Variants in RNF2 observed in about 807,000 individuals in gnomAD.
The protein encoded by RNF2 is E3 ubiquitin-protein ligase RING2.
Under a neutral mutation model 37.2 loss-of-function variants are expected in RNF2, and 6 were observed. That is an observed-to-expected ratio of 0.16 (90% CI 0.09 to 0.32). The LOEUF is 0.32. Among genes scored for constraint, RNF2 ranks in the 10% least tolerant of loss-of-function variants. The pLI, the probability that RNF2 is intolerant of heterozygous loss-of-function variation, is 1.00. For synonymous variants in RNF2, 133 were observed against 132.7 expected (o/e 1.00, Z -0.02); for missense variants, 251 against 404.0 (o/e 0.62, Z 3.25).
chr1:185,059,877 A>T (rs1185963530), intron 1 of RNF2, among the ~76,000 whole-genome samples: 1 of 152,176 alleles, frequency 6.6e-6, no homozygotes, highest in Non-Finnish European at 1.5e-5. Flanking sequence ...ATTAGCCTTC[A>T]ACTTTTCTCT....
At chr1:185,077,671 C>G (rs1419180224) in intron 1 of RNF2, among the ~76,000 whole-genome samples, 2 of 132,720 alleles carry the variant, frequency 1.5e-5, no homozygotes, top group East Asian at 2.2e-4. Flanking sequence ...TTGGCTGTAC[C>G]TGACAACTAA....
chr1:185,088,082 A>G (rs980102719), intron 2 of RNF2, among the ~76,000 whole-genome samples: 1 of 152,232 alleles, frequency 6.6e-6, no homozygotes, highest in African/African-American at 2.4e-5. Context: ...TGAGATTCCT[A>G]TACAACAGGC....
At chr1:185,082,345 CTTTTTTTTTTTTT>C (rs3036553) in intron 1 of RNF2, among the ~76,000 whole-genome samples, 2 of 72,000 alleles carry the variant, frequency 2.8e-5, no homozygotes, top group Non-Finnish European at 5.8e-5. Flanking sequence ...CTCTGCAGAA[CTTTTTTTTTTTTT>C]TTTTTTTTTG....
rs941858291 is a variant in RNF2, at chr1:185,102,445, C to A, written c.*2144C>A. On this transcript the variant is annotated 3_prime_UTR_variant, in exon 7 of 7. Coordinates refer to ENST00000367510, the MANE Select transcript of RNF2 (RefSeq NM_007212.4). ...TTTTATGGTAACATATACATAGCCA[C>A]ATTTACAGTTTTAACCATTTTAAGG... 1 of 152,196 alleles carries A rather than the reference C, an allele frequency of 6.6e-6. No individual in the cohort carries two copies. The highest frequency in any genetic ancestry group is 1.5e-5 in the Non-Finnish European group (1 of 68,010). The allele number at this position is 152,196 out of a possible 1,614,324, so 9.4% of individuals were successfully genotyped here.
At chr1:185,067,724 T>A (rs1262355547) in intron 1 of RNF2, among the ~76,000 whole-genome samples, 1 of 150,104 alleles carries the variant, frequency 6.7e-6, no homozygotes, top group Non-Finnish European at 1.5e-5. Flanking sequence ...TTTTTTTTTT[T>A]TTTTGAGACG....
At chr1:185,070,638 C>CTTTT (rs893631238) in intron 1 of RNF2, among the ~76,000 whole-genome samples, 2 of 129,742 alleles carry the variant, frequency 1.5e-5, no homozygotes, top group Non-Finnish European at 3.3e-5. Flanking sequence ...ATTTTCTTTT[C>CTTTT]TTTTTTTTTT....
intron 1 of RNF2, among the ~76,000 whole-genome samples, chr1:185,049,172 A>G (rs937415029): frequency 4.6e-5 from 7 of 152,106 alleles, no homozygotes; most frequent in African/African-American, 1.7e-4. Flanking sequence ...GTTGCAGTGC[A>G]TGCCACTGCA....
At chr1:185,072,207 C>T (rs529065146) in intron 1 of RNF2, among the ~76,000 whole-genome samples, 2 of 152,118 alleles carry the variant, frequency 1.3e-5, no homozygotes, top group East Asian at 3.9e-4. Context: ...AGCAATAAAC[C>T]AAGGTGACTG....
chr1:185,087,822 A>G (rs928713505), intron 2 of RNF2, among the ~76,000 whole-genome samples, 182 bp downstream of exon 2: 8 of 152,220 alleles, frequency 5.3e-5, no homozygotes, highest in Non-Finnish European at 1.2e-4. Flanking sequence ...TACTCTATAC[A>G]AGCTTTTGTG....
intron 2 of RNF2, among the ~76,000 whole-genome samples, chr1:185,088,795 A>G (rs992266595): frequency 1.3e-5 from 2 of 152,208 alleles, no homozygotes; most frequent in African/African-American, 2.4e-5. Context: ...TCCATGTGCT[A>G]ATAAGTACTA....
chr1:185,064,446 ACG>A (rs1283019275), intron 1 of RNF2, among the ~76,000 whole-genome samples: 2 of 152,168 alleles, frequency 1.3e-5, no homozygotes, highest in African/African-American at 4.8e-5. Flanking sequence ...GGTTCGACTT[ACG>A]ATTTTTCAAC....
chr1:185,086,583 A>C (rs1188735701), intron 1 of RNF2, among the ~76,000 whole-genome samples: 1 of 152,228 alleles, frequency 6.6e-6, no homozygotes, highest in Non-Finnish European at 1.5e-5. Context: ...GGGATATGAT[A>C]CCACTTTCCA....
rs549929250 is a variant in RNF2, at chr1:185,085,779, G to C, written c.-2-1773G>C. On this transcript the variant is annotated intron_variant, in intron 1 of 6. Transcript: ENST00000367510. The stretch of plus-strand genomic sequence containing the variant: ...AGCGATTCTCCTACCTCATCCTCCC[G>C]CATAGCTGGGATTACAGACGCGCAC... Among the ~76,000 whole-genome samples the C allele has an allele frequency of 4.6e-5, 7 of 151,770 alleles. No individual in the cohort carries two copies. In the East Asian group the frequency reaches 1.4e-3, roughly 29 times the overall value.
chr1:185,092,462 A>G (rs1651797035), intron 3 of RNF2, among the ~76,000 whole-genome samples: 1 of 152,208 alleles, frequency 6.6e-6, no homozygotes, highest in African/African-American at 2.4e-5. Flanking sequence ...GGCGTGAGCC[A>G]CCGTGCCTAG....
In RNF2 at chr1:185,099,869, T is replaced by G; in HGVS notation, c.816T>G (p.Leu272=). 1.2e-6 allele frequency: 2 copies of G among 1,614,122 alleles called. No homozygotes were observed. The highest frequency in any genetic ancestry group is 1.7e-6 in the Non-Finnish European group (2 of 1,179,998). The stretch of plus-strand genomic sequence containing the variant: ...CTGTGAGGTTAGCTTTAGAAGAACT[T>G]CGAAGCAAAGGTGAATCAAACCAGA... The part of the protein sequence containing the change: ...YLAVRLALEE[L]RSKGESNQMN... The change falls in exon 6 of 7, where the codon CTT becomes CTG. Residue 272 remains leucine, a synonymous_variant. Coordinates refer to ENST00000367510, the MANE Select transcript of RNF2 (RefSeq NM_007212.4).
intron 3 of RNF2, 42 bp from the exon 4 acceptor site, chr1:185,093,019 T>G: frequency 6.3e-7 from 1 of 1,575,452 alleles, no homozygotes; most frequent in South Asian, 1.1e-5. Flanking sequence ...AGCCCAAAGA[T>G]ACTAGCATTG....
rs1394463855 is a variant in RNF2, at chr1:185,067,818, C to G, written c.-2-19734C>G. ...CTCTGCCTCCCGGGTTCAAACGATT[C>G]TCCTACCTCAGCCTCTCGAGTAGCT... On this transcript the variant is annotated intron_variant, in intron 1 of 6. Transcript: ENST00000367510. Among the ~76,000 whole-genome samples, 8 of 146,454 alleles carry G rather than the reference C, an allele frequency of 5.5e-5. No individual in the cohort carries two copies. The East Asian group carries it at 1.6e-3, about 30-fold the overall frequency.
chr1:185,079,222 G>C (rs1266196267), intron 1 of RNF2, among the ~76,000 whole-genome samples: 1 of 151,928 alleles, frequency 6.6e-6, no homozygotes, highest in Non-Finnish European at 1.5e-5. Context: ...TGGTGTTTCG[G>C]ATATATCTTT....
At chr1:185,067,251 G>A (rs112028214) in intron 1 of RNF2, among the ~76,000 whole-genome samples, 1,922 of 152,314 alleles carry the variant, frequency 0.013, 17 homozygotes, top group Middle Eastern at 0.031. Context: ...GAAGCTTACA[G>A]AAATTAGCGT....
Sources: gnomAD v4.1 joint callset for allele counts (sites outside exome capture counted in the v4.1 genomes callset) on GRCh38, gnomAD v4.1.1 for gene constraint, MANE v1.5 for transcripts, NCBI Gene and HGNC (gene_info 2026-07-23, HGNC 2026-07-21) for gene names.